Variants in DACT2 observed in about 807,000 individuals in gnomAD.
DACT2 encodes dishevelled binding antagonist of beta catenin 2, also known as dapper homolog 2.
A neutral mutation model predicts 22.2 loss-of-function variants in DACT2; 20 were observed. The observed-to-expected ratio is 0.90, with a 90% CI of 0.63 to 1.31. The LOEUF (loss-of-function observed/expected upper bound fraction) is 1.31. Among genes scored for constraint, DACT2 ranks in the 50% most tolerant of loss-of-function variants. The pLI, the probability that DACT2 is intolerant of heterozygous loss-of-function variation, is 0.00. For synonymous variants in DACT2, 463 were observed against 479.8 expected (o/e 0.96, Z 0.46); for missense variants, 1,048 against 1,061.4 (o/e 0.99, Z 0.18).
rs1778998122 is a variant in DACT2, at chr6:168,295,802, T to A, written c.659-1098A>T. ...ATGGAAGAAGAAAAGCTGCGATATTTGGCTGAGAGTCGTTATCAAGCCTTA... is the reference window on the plus strand; with the variant it reads ...ATGGAAGAAGAAAAGCTGCGATATTAGGCTGAGAGTCGTTATCAAGCCTTA... On this transcript the variant is annotated intron_variant, in intron 3 of 5. Transcript: ENST00000366796. 2.0e-5 allele frequency among the ~76,000 whole-genome samples: 3 copies of A among 152,232 alleles called. 1 individual carries two copies. Among genetic ancestry groups the A allele is most frequent in the Admixed American group, 2.0e-4 (3 of 15,290 alleles).
At chr6:168,296,367 A>G (rs897995561) in intron 3 of DACT2, among the ~76,000 whole-genome samples, 1 of 150,686 alleles carries the variant, frequency 6.6e-6, no homozygotes, top group Non-Finnish European at 1.5e-5. Context: ...AATCAGGGAA[A>G]CAGCGGATCC....
At chr6:168,303,061 A>G (rs1346471520), downstream of DACT2, among the ~76,000 whole-genome samples, 1 of 152,234 alleles carries the variant, frequency 6.6e-6, no homozygotes, top group Non-Finnish European at 1.5e-5. Context: ...AATCTGTATT[A>G]TATAATAATT....
At chr6:168,305,686 C>T (rs1318079110), downstream of DACT2, among the ~76,000 whole-genome samples, 3 of 152,294 alleles carry the variant, frequency 2.0e-5, no homozygotes, top group East Asian at 1.9e-4. Context: ...ACGGGGCTGT[C>T]GTCACAGCCT....
chr6:168,297,584 A>G (rs1159708690), intron 3 of DACT2, among the ~76,000 whole-genome samples: 3 of 152,152 alleles, frequency 2.0e-5, no homozygotes, highest in Non-Finnish European at 4.4e-5. Flanking sequence ...AGGGAGAATG[A>G]TTGTGGACCT....
rs1228231927 is a variant in DACT2, at chr6:168,319,455, C to T, written c.179G>A (p.Gly60Asp). The T allele has an allele frequency of 1.7e-6, 2 of 1,205,876 alleles. No individual in the cohort carries two copies. Among genetic ancestry groups the T allele is most frequent in the Non-Finnish European group, 1.0e-6 (1 of 972,286 alleles). The allele number at this position is 1,205,876 out of a possible 1,614,324, so 74.7% of individuals were successfully genotyped here. A position where few individuals can be genotyped will look rare whatever the true frequency, so the allele number is the denominator to read the frequency against. ...CTCGGGGCCGTGGAGGCCGTGGGGG[C>T]CGCAGGGCGCGGCGGGCGCGGGCGG... The part of the protein sequence containing the change: ...QPPPAPAAPC[G>D]PHGLHGPEQQ... The change falls in exon 1 of 4, where the codon GGC (glycine) becomes GAC (aspartate). Residue 60 changes from glycine (G) to aspartate (D), a missense_variant. Coordinates refer to ENST00000366795, the MANE Select transcript of DACT2 (RefSeq NM_214462.5).
In DACT2 at chr6:168,294,137, G is replaced by C. The variant is rs765272431; in HGVS notation, c.791C>G (p.Ser264Ter). 5.4e-4 allele frequency: 380 copies of C among 702,954 alleles called. No individual in the cohort carries two copies. Among genetic ancestry groups the C allele is most frequent in the Admixed American group, 5.8e-4 (29 of 50,014 alleles). The allele number at this position is 702,954 out of a possible 1,614,324, so 43.5% of individuals were successfully genotyped here. ...CAGTGAGCATGGAGCACTTACCACT[G>C]AGCAGAAAGGGAGCTGACAGCCACA... is the stretch of plus-strand genomic sequence containing the variant. Residue 264 changes from serine (S) to a stop codon, truncating the protein, a stop_gained, in exon 5 of 6, where the codon TCA (serine) becomes TGA (stop). Coordinates refer to the DACT2 transcript ENST00000366796. LOFTEE classifies it high-confidence loss of function.
chr6:168,292,898 GT>G (rs1466415404), exon 6 of DACT2: 1 of 152,092 alleles, frequency 6.6e-6, no homozygotes, highest in East Asian at 1.9e-4. Context: ...TTATGGGCTG[GT>G]TTAGCTTTGG....
At chr6:168,305,671 AG>A (rs1389940967), downstream of DACT2, among the ~76,000 whole-genome samples, 1 of 152,240 alleles carries the variant, frequency 6.6e-6, no homozygotes, top group African/African-American at 2.4e-5. Context: ...ACGAGGACTC[AG>A]GCTACGGGGC....
chr6:168,311,038 C>T, intron 2 of DACT2, 114 bp downstream of exon 2: 1 of 1,350,214 alleles, frequency 7.4e-7, no homozygotes, highest in Non-Finnish European at 9.7e-7. Context: ...CCTGCACGGA[C>T]ACTAGGATAC....
intron 5 of DACT2, chr6:168,293,966 A>C (rs149311162): frequency 5.7e-6 from 4 of 703,392 alleles, no homozygotes; most frequent in Non-Finnish European, 1.0e-5. Flanking sequence ...CCCAGGGATG[A>C]CAGAGATTAC....
Position 168,294,706 on chromosome 6 carries a change from T to C in DACT2, c.659-2A>G. 2 of 1,470,852 alleles carry C rather than the reference T, an allele frequency of 1.4e-6. No individual in the cohort carries two copies. The highest frequency in any genetic ancestry group is 1.8e-6 in the Non-Finnish European group (2 of 1,113,680). The allele number at this position is 1,470,852 out of a possible 1,614,324, so 91.1% of individuals were successfully genotyped here. On this transcript the variant is annotated splice_acceptor_variant, in intron 3 of 5. Coordinates refer to the DACT2 transcript ENST00000366796. LOFTEE classifies it high-confidence loss of function. ...GTTCACCTGGAGCATTGCACAGCTC[T>C]GGTAAGAACAAAATGCAAATGTGCG...
downstream of DACT2, among the ~76,000 whole-genome samples, chr6:168,304,795 C>T (rs1779171288): frequency 6.6e-6 from 1 of 152,232 alleles, no homozygotes; most frequent in African/African-American, 2.4e-5. Context: ...GGGATGGGAA[C>T]TGGAGACAGA....
intron 1 of DACT2, among the ~76,000 whole-genome samples, chr6:168,315,217 C>T (rs560263363): frequency 5.3e-5 from 8 of 152,310 alleles, no homozygotes; most frequent in African/African-American, 1.4e-4. Context: ...TGCAGACTCC[C>T]GGAGCCCTTC....
chr6:168,294,167 C>A (rs1778958864), exon 5 of DACT2: 1 of 702,804 alleles, frequency 1.4e-6, no homozygotes, highest in Non-Finnish European at 2.6e-6. Context: ...GCCACAGAGG[C>A]CACACTTTCC....
rs549907362 is a variant in DACT2 at position 168,307,700 on chromosome 6, G to T, written c.2057C>A (p.Ser686Tyr). 34 of 1,550,444 alleles carry T rather than the reference G, an allele frequency of 2.2e-5. No homozygotes were observed. The African/African-American group carries it at 3.7e-4, about 17-fold the overall frequency. Residue 686 changes from serine to tyrosine, a missense_variant, in exon 4 of 4, where the codon TCC becomes TAC. Transcript: ENST00000366795. The surrounding 1 kb of genome is among the most constrained non-coding windows in gnomAD (Gnocchi z 5.3). ...GAATCGGTTGGTGGTGTGGTCACTG[G>T]ACTCTCCCTCGCTGGTCTCCGGGAT... ...SVIPETSEGE[S>Y]SDHTTNRFGD...
At chr6:168,301,628 C>T (rs1399753200) in intron 3 of DACT2, among the ~76,000 whole-genome samples, 4 of 152,192 alleles carry the variant, frequency 2.6e-5, no homozygotes, top group African/African-American at 9.6e-5. Context: ...CGAGATACGC[C>T]CCCAGGATGC....
rs1455125657 is a variant in DACT2, at chr6:168,294,769, T to C, written c.659-65A>G. 8 of 718,612 alleles carry C rather than the reference T, an allele frequency of 1.1e-5. No homozygotes were observed. The East Asian group carries it at 2.7e-4, about 25-fold the overall frequency. 44.5% of individuals were successfully genotyped at this position (718,612 alleles called of 1,614,324 possible). On this transcript the variant is annotated intron_variant, in intron 3 of 5. Transcript: ENST00000366796. ...AACACACCTGCAGCTTCAACGATTC[T>C]GCGATTCTGCAGCTTCAATGATTCT...
At chr6:168,293,793 G>A (rs957837604) in exon 6 of DACT2, 2 of 695,176 alleles carry the variant, frequency 2.9e-6, no homozygotes, top group Non-Finnish European at 5.2e-6. Flanking sequence ...GCAGAGGGGG[G>A]CCGATGATAT....
intron 3 of DACT2, chr6:168,294,798 T>A (rs1778981449): frequency 2.1e-6 from 1 of 479,442 alleles, no homozygotes; most frequent in Admixed American, 4.1e-5. Flanking sequence ...TGATTCTGCA[T>A]GCAACTTAGA....
Sources: gnomAD v4.1 joint callset for allele counts (sites outside exome capture counted in the v4.1 genomes callset) on GRCh38, gnomAD v4.1.1 for gene constraint, Gnocchi (gnomAD v3.1) non-coding constraint, MANE v1.5 for transcripts, NCBI Gene and HGNC (gene_info 2026-07-23, HGNC 2026-07-21) for gene names.